The following ITK variants were observed in gnomAD, a reference collection of about 807,000 sequenced individuals.
ITK encodes IL2 inducible T cell kinase.
In ITK, 45 loss-of-function variants were observed where a neutral mutation model predicts 87.6. The ratio of observed to expected loss-of-function variants is 0.51; its 90% CI spans 0.40 to 0.66. The LOEUF is 0.66. Among genes scored for constraint, ITK ranks in the 30% least tolerant of loss-of-function variants. The pLI, the probability that ITK is intolerant of heterozygous loss-of-function variation, is 0.00. For missense variants in ITK, 605 were observed against 766.3 expected, an observed-to-expected ratio of 0.79 and a Z score of 2.48; for synonymous variants, 303 against 273.6, an observed-to-expected ratio of 1.11 and a Z score of -1.06.
At chr5:157,186,379 AAAGAG>A (rs1347810209) in intron 1 of ITK, among the ~76,000 whole-genome samples, 3 of 151,918 alleles carry the variant, frequency 2.0e-5, no homozygotes, top group African/African-American at 7.3e-5. Flanking sequence ...AAAAAAAAAA[AAAGAG>A]AGAGAGAGAG....
chr5:157,196,636 T>C (rs1429795725), intron 1 of ITK, among the ~76,000 whole-genome samples: 1 of 152,212 alleles, frequency 6.6e-6, no homozygotes, highest in Non-Finnish European at 1.5e-5. Context: ...TTAAAAGTTT[T>C]GTCATAGGGT....
In ITK at chr5:157,244,292, G is replaced by C. The variant is rs778053976; in HGVS notation, c.1263G>C (p.Leu421=). Reference sequence around the variant, plus strand: ...TCTCTCATCCCAAACTGGTGCAGCTGTATGGGGTGTGCCTGGAGCAGGCCC... The same window carrying C: ...TCTCTCATCCCAAACTGGTGCAGCTCTATGGGGTGTGCCTGGAGCAGGCCC... ...MKLSHPKLVQ[L]YGVCLEQAPI... The change falls in exon 13 of 17, where the codon CTG becomes CTC. Residue 421 remains leucine (L), a synonymous_variant. Coordinates refer to ENST00000422843, the MANE Select transcript of ITK (RefSeq NM_005546.4). 4.5e-5 allele frequency: 73 copies of C among 1,614,074 alleles called. No homozygotes were observed. The highest frequency in any genetic ancestry group is 5.8e-5 in the Non-Finnish European group (69 of 1,180,038).
chr5:157,203,646 G>T (rs530246935), intron 1 of ITK, among the ~76,000 whole-genome samples: 1 of 152,210 alleles, frequency 6.6e-6, no homozygotes, highest in African/African-American at 2.4e-5. Context: ...AGGCAGCTCC[G>T]CTGTGCTCTA....
rs868585018 is a variant in ITK, at chr5:157,253,496, C to T, written c.*818C>T. 2.2e-5 allele frequency: 5 copies of T among 225,592 alleles called. No individual in the cohort carries two copies. Among genetic ancestry groups the T allele is most frequent in the Non-Finnish European group, 2.6e-5 (3 of 113,334 alleles). 14.0% of individuals were successfully genotyped at this position (225,592 alleles called of 1,614,324 possible). ...GTCTCTTCTTTTATACCAAGCTCAT[C>T]TTTTATACCAAGCTGTGCAGGTGAC... is the stretch of plus-strand genomic sequence containing the variant. On this transcript the variant is annotated 3_prime_UTR_variant, in exon 17 of 17. Coordinates refer to ENST00000422843, the MANE Select transcript of ITK (RefSeq NM_005546.4).
intron 1 of ITK, among the ~76,000 whole-genome samples, chr5:157,189,861 C>A (rs1753718949): frequency 6.6e-6 from 1 of 152,194 alleles, no homozygotes; most frequent in Non-Finnish European, 1.5e-5. Flanking sequence ...TCTTAACGAA[C>A]TAATAATACA....
rs528358361 is a variant in ITK, at chr5:157,254,608, C to T, written c.*1930C>T. On this transcript the variant is annotated 3_prime_UTR_variant, in exon 17 of 17. Coordinates refer to ENST00000422843, the MANE Select transcript of ITK (RefSeq NM_005546.4). ...TTATAATTATTGTGAAGTGGAGAGC[C>T]TCAAGATAAAACTCTGTCATTCAGA... 1 of 218,446 alleles carries T rather than the reference C, an allele frequency of 4.6e-6. No individual in the cohort carries two copies. Among genetic ancestry groups the T allele is most frequent in the Admixed American group, 5.8e-5 (1 of 17,304 alleles). 13.5% of individuals were successfully genotyped at this position (218,446 alleles called of 1,614,324 possible). A position where few individuals can be genotyped will look rare whatever the true frequency, so the allele number is the denominator to read the frequency against.
intron 1 of ITK, among the ~76,000 whole-genome samples, chr5:157,181,473 T>A (rs907453493): frequency 3.9e-5 from 6 of 152,312 alleles, no homozygotes; most frequent in Middle Eastern, 3.4e-3. Flanking sequence ...TGAAACATAC[T>A]AAATTTAATG....
At chr5:157,225,229 G>A (rs34583711) in intron 6 of ITK, among the ~76,000 whole-genome samples, 2,492 of 152,080 alleles carry the variant, frequency 0.016, 29 homozygotes, top group Non-Finnish European at 0.027. Context: ...TACTGTACTC[G>A]AGAAATTCTC....
At chr5:157,252,511 C>G (rs1755160569) in intron 16 of ITK, 96 bp from the exon 17 acceptor site, 2 of 889,100 alleles carry the variant, frequency 2.2e-6, no homozygotes, top group African/African-American at 1.6e-5. Context: ...ATACAAAAAT[C>G]CACAGGGGAT....
At chr5:157,213,033 T>G (rs551478482) in intron 3 of ITK, among the ~76,000 whole-genome samples, 1 of 152,244 alleles carries the variant, frequency 6.6e-6, no homozygotes, top group East Asian at 1.9e-4. Context: ...ATTAGTCCAT[T>G]TTCACACTGC....
chr5:157,198,718 G>C (rs1753900047), intron 1 of ITK, among the ~76,000 whole-genome samples: 1 of 152,166 alleles, frequency 6.6e-6, no homozygotes, highest in Admixed American at 6.6e-5. Context: ...TGTTTTACAA[G>C]ATGCTAATTT....
intron 1 of ITK, among the ~76,000 whole-genome samples, chr5:157,202,665 T>A (rs1754000228): frequency 6.6e-6 from 1 of 152,330 alleles, no homozygotes; most frequent in East Asian, 1.9e-4. Flanking sequence ...AAGAATGGGA[T>A]TGCTGGGTCA....
chr5:157,234,953 A>G (rs1201020992), intron 8 of ITK, among the ~76,000 whole-genome samples: 1 of 152,118 alleles, frequency 6.6e-6, no homozygotes, highest in Non-Finnish European at 1.5e-5. Context: ...AAAAGAGATG[A>G]ATTGATTCAT....
chr5:157,245,972 A>G lies in ITK; in HGVS notation c.1606A>G (p.Ser536Gly). ...SPEVFSFSRY[S>G]SKSDVWSFGV... ...AGAGGTTTTCTCTTTCAGTCGCTAT[A>G]GCAGCAAGTCCGATGTGTGGTCATT... Residue 536 changes from serine (S) to glycine (G), a missense_variant, in exon 15 of 17, where the codon AGC (serine) becomes GGC (glycine). By Grantham distance (56) the Ser-to-Gly change is moderately conservative. Coordinates refer to ENST00000422843, the MANE Select transcript of ITK (RefSeq NM_005546.4). 6.2e-7 allele frequency: 1 copy of G among 1,613,850 alleles called. No homozygotes were observed. The highest frequency in any genetic ancestry group is 8.5e-7 in the Non-Finnish European group (1 of 1,179,732).
chr5:157,208,070 G>A (rs1199952197), intron 1 of ITK, among the ~76,000 whole-genome samples: 1 of 152,116 alleles, frequency 6.6e-6, no homozygotes, highest in East Asian at 1.9e-4. Flanking sequence ...CTCAATTCTA[G>A]GTACCTGTGA....
chr5:157,228,215 T>A (rs1754576310), intron 6 of ITK, 81 bp from the exon 7 acceptor site: 2 of 876,844 alleles, frequency 2.3e-6, no homozygotes. Flanking sequence ...AATCTTTAAA[T>A]GACTTTTAAT....
chr5:157,226,845 G>A (rs895681842), intron 6 of ITK, among the ~76,000 whole-genome samples: 7 of 151,912 alleles, frequency 4.6e-5, no homozygotes, highest in Non-Finnish European at 1.0e-4. Flanking sequence ...TGTCACCCAG[G>A]CCAGAGTGCA....
intron 2 of ITK, 80 bp from the exon 3 acceptor site, chr5:157,211,207 C>A: frequency 8.5e-7 from 1 of 1,180,794 alleles, no homozygotes; most frequent in Non-Finnish European, 1.3e-6. Context: ...CGAGACCCCA[C>A]TCTCGGCTCA....
chr5:157,214,772 T>C (rs1216531636), intron 4 of ITK, among the ~76,000 whole-genome samples: 2 of 152,146 alleles, frequency 1.3e-5, no homozygotes, highest in African/African-American at 2.4e-5. Context: ...TGACATCATG[T>C]CACACATAAA....
Sources: gnomAD v4.1 joint callset for allele counts (sites outside exome capture counted in the v4.1 genomes callset) on GRCh38, gnomAD v4.1.1 for gene constraint, MANE v1.5 for transcripts, NCBI Gene and HGNC (gene_info 2026-07-23, HGNC 2026-07-21) for gene names.